CDKAL1: variants seen among roughly 807,000 people sequenced by gnomAD.
CDKAL1 encodes the protein CDKAL1 threonylcarbamoyladenosine tRNA methylthiotransferase, also known as threonylcarbamoyladenosine tRNA methylthiotransferase.
Under a neutral mutation model 68.2 loss-of-function variants are expected in CDKAL1, and 32 were observed. The observed-to-expected ratio is 0.47, with a 90% CI of 0.35 to 0.63. The LOEUF is 0.63. Ranked by LOEUF, CDKAL1 falls within the 30% of genes least tolerant of loss-of-function variation. CDKAL1 has a pLI of 0.00. For missense variants in CDKAL1, 606 were observed against 696.7 expected (o/e 0.87, Z 1.47); for synonymous variants, 234 against 244.3 (o/e 0.96, Z 0.39).
chr6:21,109,315 A>T (rs1260484871), intron 13 of CDKAL1, among the ~76,000 whole-genome samples: 3 of 152,230 alleles, frequency 2.0e-5, no homozygotes, highest in African/African-American at 7.2e-5. Flanking sequence ...TTAAATCTTT[A>T]TCTATGAATT....
At chr6:21,109,363 AAAGT>A (rs1345644924) in intron 13 of CDKAL1, among the ~76,000 whole-genome samples, 1 of 152,204 alleles carries the variant, frequency 6.6e-6, no homozygotes, top group Non-Finnish European at 1.5e-5. Context: ...TTAACTAGCC[AAAGT>A]AAGTAGTGTG....
intron 13 of CDKAL1, among the ~76,000 whole-genome samples, chr6:21,184,491 G>A (rs1777927015): frequency 6.6e-6 from 1 of 151,990 alleles, no homozygotes; most frequent in Non-Finnish European, 1.5e-5. Flanking sequence ...CCACCACGCA[G>A]AAACCAGCTC....
At chr6:20,945,063 CACACACGT>C (rs1272997151) in intron 9 of CDKAL1, among the ~76,000 whole-genome samples, 1 of 46,016 alleles carries the variant, frequency 2.2e-5, no homozygotes, top group Admixed American at 2.6e-4. Context: ...CATATGTGCA[CACACACGT>C]ACACACACAC....
At chr6:20,674,443 T>G (rs59458531) in intron 5 of CDKAL1, among the ~76,000 whole-genome samples, 1,837 of 152,330 alleles carry the variant, frequency 0.012, 41 homozygotes, top group African/African-American at 0.042. Context: ...GAGTTTTTTC[T>G]TTTTAAAAAA....
chr6:20,886,785 C>T (rs1304035009), intron 9 of CDKAL1, among the ~76,000 whole-genome samples: 1 of 152,008 alleles, frequency 6.6e-6, no homozygotes, highest in Non-Finnish European at 1.5e-5. Flanking sequence ...GTTTCTGTTT[C>T]AGGTGATGAA....
intron 5 of CDKAL1, among the ~76,000 whole-genome samples, chr6:20,677,540 T>C (rs1770175398): frequency 6.6e-6 from 1 of 152,156 alleles, no homozygotes; most frequent in South Asian, 2.1e-4. Context: ...TGCGTCAGCC[T>C]CCCTAGTAGC....
intron 9 of CDKAL1, among the ~76,000 whole-genome samples, chr6:20,941,096 G>GAAA (rs68174523): frequency 8.8e-6 from 1 of 113,586 alleles, no homozygotes; most frequent in Admixed American, 9.2e-5. Context: ...ATCTCAAAAA[G>GAAA]AAAAAAAAAA....
At chr6:20,929,152 T>A (rs533728973) in intron 9 of CDKAL1, among the ~76,000 whole-genome samples, 1 of 152,246 alleles carries the variant, frequency 6.6e-6, no homozygotes, top group Non-Finnish European at 1.5e-5. Context: ...TATGGAAGGA[T>A]CCCAGTAGAT....
At chr6:20,605,764 G>A (rs529785434) in intron 4 of CDKAL1, among the ~76,000 whole-genome samples, 1 of 152,250 alleles carries the variant, frequency 6.6e-6, no homozygotes, top group South Asian at 2.1e-4. Context: ...TTCATGACTG[G>A]CTGGTAAGAA....
At chr6:20,787,536 T>G (rs192025939) in intron 8 of CDKAL1, among the ~76,000 whole-genome samples, 1 of 152,320 alleles carries the variant, frequency 6.6e-6, no homozygotes, top group African/African-American at 2.4e-5. Context: ...TCTTGTAACG[T>G]TGGTGGAGTC....
chr6:20,790,577 C>T (rs9368237), intron 8 of CDKAL1, among the ~76,000 whole-genome samples: 55,875 of 152,026 alleles, frequency 0.37, 11,165 homozygotes, highest in Non-Finnish European at 0.44. Flanking sequence ...TGATCCAGGC[C>T]TCACTCAGCC....
intron 13 of CDKAL1, among the ~76,000 whole-genome samples, chr6:21,131,268 T>G (rs1237688831): frequency 6.6e-6 from 1 of 152,236 alleles, no homozygotes; most frequent in Non-Finnish European, 1.5e-5. Context: ...TAGATTTAGT[T>G]GTAGATATAA....
intron 8 of CDKAL1, among the ~76,000 whole-genome samples, chr6:20,837,430 G>A (rs1777994134): frequency 6.6e-6 from 1 of 152,064 alleles, no homozygotes. Flanking sequence ...CACCTCAGCA[G>A]ACGTCAGCCT....
chr6:21,012,376 C>T (rs1030734916), intron 11 of CDKAL1, among the ~76,000 whole-genome samples: 1 of 152,146 alleles, frequency 6.6e-6, no homozygotes, highest in Non-Finnish European at 1.5e-5. Flanking sequence ...ACATACAGAA[C>T]TTACTCTAAG....
At chr6:20,871,206 ATAGCGTT>A (rs1177604042) in intron 9 of CDKAL1, among the ~76,000 whole-genome samples, 1 of 152,190 alleles carries the variant, frequency 6.6e-6, no homozygotes, top group Non-Finnish European at 1.5e-5. Flanking sequence ...TTATATTGAA[ATAGCGTT>A]ATCAGTACAT....
intron 5 of CDKAL1, among the ~76,000 whole-genome samples, chr6:20,667,345 A>G (rs745694578): frequency 1.2e-4 from 19 of 152,320 alleles, no homozygotes; most frequent in Middle Eastern, 3.4e-3. Flanking sequence ...CCAGATAATT[A>G]TAATACAGTG....
chr6:20,534,642 T>G (rs1763097421), intron 1 of CDKAL1, 68 bp downstream of exon 1: 1 of 152,612 alleles, frequency 6.6e-6, no homozygotes, highest in Admixed American at 6.5e-5. Context: ...CCAAGCCTTG[T>G]TTCTCCAGTT....
chr6:20,921,642 A>G (rs1762962037), intron 9 of CDKAL1, among the ~76,000 whole-genome samples: 1 of 152,080 alleles, frequency 6.6e-6, no homozygotes, highest in Non-Finnish European at 1.5e-5. Context: ...GTTTCTATCA[A>G]CCCTCAGCCT....
intron 4 of CDKAL1, among the ~76,000 whole-genome samples, chr6:20,607,114 G>C (rs1766365830): frequency 6.6e-6 from 1 of 152,188 alleles, no homozygotes; most frequent in South Asian, 2.1e-4. Context: ...TTTTCTGAAG[G>C]TAGTAGGTGG....
Sources: gnomAD v4.1 joint callset for allele counts (sites outside exome capture counted in the v4.1 genomes callset) on GRCh38, gnomAD v4.1.1 for gene constraint, MANE v1.5 for transcripts, NCBI Gene and HGNC (gene_info 2026-07-23, HGNC 2026-07-21) for gene names.